The following CSMD1 variants were observed in gnomAD, a reference collection of about 807,000 sequenced individuals.
CSMD1 encodes CUB and sushi domain-containing protein 1.
CSMD1 carries 213 observed loss-of-function variants against 417.5 expected under a neutral mutation model. The ratio of observed to expected loss-of-function variants is 0.51; its 90% CI spans 0.46 to 0.57. The LOEUF (loss-of-function observed/expected upper bound fraction) is 0.57. Among genes scored for constraint, CSMD1 ranks in the 20% least tolerant of loss-of-function variants. The probability of loss-of-function intolerance (pLI) is 0.00; values close to 1 mark genes in which losing one functional copy is unlikely to be tolerated. For synonymous variants in CSMD1, 2,862 were observed against 1,736.8 expected (o/e 1.65, Z -16.11); for missense variants, 6,923 against 4,529.7 (o/e 1.53, Z -15.17).
At chr8:4,655,536 T>A (rs768223856) in intron 1 of CSMD1, among the ~76,000 whole-genome samples, 2 of 152,174 alleles carry the variant, frequency 1.3e-5, no homozygotes, top group Non-Finnish European at 2.9e-5. Flanking sequence ...TAATATTTAC[T>A]TCCACTGACA....
At chr8:4,800,935 CCTGATTGTTATTTTTTAAAAGCAGA>C in intron 1 of CSMD1, among the ~76,000 whole-genome samples, 1 of 152,302 alleles carries the variant, frequency 6.6e-6, no homozygotes, top group East Asian at 1.9e-4. Context: ...AAATAAATCT[CCTGATTGTTATTTTTTAAAAGCAGA>C]CTTCTTTCCT....
chr8:3,809,136 T>C (rs1213504403), intron 5 of CSMD1, among the ~76,000 whole-genome samples: 2 of 152,136 alleles, frequency 1.3e-5, no homozygotes, highest in Non-Finnish European at 1.5e-5. Context: ...TGGGAATATC[T>C]TCCTCTTTCC....
chr8:3,341,309 A>C (rs960205782), intron 23 of CSMD1, among the ~76,000 whole-genome samples: 1 of 152,184 alleles, frequency 6.6e-6, no homozygotes, highest in African/African-American at 2.4e-5. Context: ...GAGGCTTCAG[A>C]ATTATGGAAA....
intron 10 of CSMD1, among the ~76,000 whole-genome samples, chr8:3,559,676 CTG>C (rs1799387142): frequency 6.6e-6 from 1 of 152,052 alleles, no homozygotes; most frequent in Admixed American, 6.6e-5. Flanking sequence ...TCGTATTTGA[CTG>C]TATTATATCA....
At chr8:3,096,679 C>T (rs1815327856) in intron 47 of CSMD1, among the ~76,000 whole-genome samples, 170 bp downstream of exon 47, 1 of 152,130 alleles carries the variant, frequency 6.6e-6, no homozygotes, top group Non-Finnish European at 1.5e-5. Context: ...TTACAGACTG[C>T]TTGATCTCTT....
chr8:3,096,372 T>C (rs922570648), intron 47 of CSMD1, among the ~76,000 whole-genome samples: 5 of 148,686 alleles, frequency 3.4e-5, no homozygotes, highest in Admixed American at 1.3e-4. Flanking sequence ...TTTCCCATGC[T>C]GTTCTCCTGA....
chr8:3,299,279 C>G lies in CSMD1; in HGVS notation c.3950+8416G>C, dbSNP rs543788715. On this transcript the variant is annotated intron_variant, in intron 25 of 69. Transcript: ENST00000635120. ...CCAGCCTGGCCAATATGGGGAAACCCTGTCTCTACTAAAAATATAAAAATC... is the reference window on the plus strand; with the variant it reads ...CCAGCCTGGCCAATATGGGGAAACCGTGTCTCTACTAAAAATATAAAAATC... Among the ~76,000 whole-genome samples, 5 of 152,128 alleles carry G rather than the reference C, an allele frequency of 3.3e-5. No homozygotes were observed. The East Asian group carries it at 7.8e-4, about 24-fold the overall frequency.
At position 4,596,840 on chromosome 8, in the gene CSMD1, G is replaced by T. The variant is rs956736932; in HGVS notation, c.302+40502C>A. Among the ~76,000 whole-genome samples the T allele has an allele frequency of 8.5e-5, 13 of 152,280 alleles. No homozygotes were observed. The South Asian group carries it at 1.2e-3, about 15-fold the overall frequency. On this transcript the variant is annotated intron_variant, in intron 2 of 69. Coordinates refer to ENST00000635120, the MANE Select transcript of CSMD1 (RefSeq NM_033225.6). ...TATTGTGGGAGGGACCCAGGGGGAG[G>T]TAATTGAATCATGGGGGCTGATCTT... is the stretch of plus-strand genomic sequence containing the variant.
At chr8:4,554,981 C>A (rs541885800) in intron 2 of CSMD1, among the ~76,000 whole-genome samples, 2 of 152,246 alleles carry the variant, frequency 1.3e-5, no homozygotes, top group South Asian at 4.1e-4. Flanking sequence ...CCACCAGGGC[C>A]CCTGAGGAAC....
chr8:2,942,574 C>G lies in CSMD1; in HGVS notation c.10433G>C (p.Ser3478Thr), dbSNP rs11984691. 11 of 1,601,030 alleles carry G rather than the reference C, an allele frequency of 6.9e-6. No individual in the cohort carries two copies. The South Asian group carries it at 1.1e-4, about 16-fold the overall frequency. The change falls in exon 69 of 70, where the codon AGT becomes ACT. Residue 3478 changes from serine to threonine, a missense_variant. Ser to Thr is a moderately conservative substitution (Grantham distance 58). Coordinates refer to ENST00000635120, the MANE Select transcript of CSMD1 (RefSeq NM_033225.6). Reference protein sequence around the residue: ...DPLNPDQDSSSHYHGTSSGSV... With the variant: ...DPLNPDQDSSTHYHGTSSGSV... ...GCCACTGCTGGTGCCGTGGTAATGA[C>G]TGGAAGAGTCTTGATCTGGGTTTAA...
At position 2,963,243 on chromosome 8, in the gene CSMD1, C is replaced by T; in HGVS notation, c.9433G>A (p.Gly3145Arg). The change falls in exon 60 of 70, where the codon GGA (glycine) becomes AGA (arginine). Residue 3145 changes from glycine (G) to arginine (R), a missense_variant. By Grantham distance (125) the Gly-to-Arg change is moderately radical (BLOSUM62 -2). Coordinates refer to ENST00000635120, the MANE Select transcript of CSMD1 (RefSeq NM_033225.6). ...LSCEGRGVWKGEIPQCLPVFC... is the reference protein window; with the variant it reads ...LSCEGRGVWKREIPQCLPVFC... Reference sequence around the variant, plus strand: ...TTACGGAGACACTGGGGGATCTCTCCTTTCCACACCCCGCGACCTTCACAG... The same window carrying T: ...TTACGGAGACACTGGGGGATCTCTCTTTTCCACACCCCGCGACCTTCACAG... 1 of 1,613,916 alleles carries T rather than the reference C, an allele frequency of 6.2e-7. No homozygotes were observed. The highest frequency in any genetic ancestry group is 8.5e-7 in the Non-Finnish European group (1 of 1,179,860).
intron 6 of CSMD1, among the ~76,000 whole-genome samples, chr8:3,744,204 G>A (rs192056054): frequency 3.9e-5 from 6 of 152,262 alleles, no homozygotes; most frequent in Non-Finnish European, 8.8e-5. Context: ...TTGAGGACAG[G>A]GATGACGTGT....
intron 5 of CSMD1, among the ~76,000 whole-genome samples, chr8:3,916,125 T>G (rs1431800465): frequency 1.3e-5 from 2 of 151,990 alleles, no homozygotes; most frequent in Non-Finnish European, 2.9e-5. Context: ...AACATGCCAG[T>G]AAATTTCAGT....
intron 5 of CSMD1, among the ~76,000 whole-genome samples, chr8:3,974,047 G>C (rs1386228312): frequency 6.6e-6 from 1 of 152,034 alleles, no homozygotes. Flanking sequence ...AGTTATCATT[G>C]ACTATAGTCT....
At chr8:3,894,863 T>G (rs1203766427) in intron 5 of CSMD1, among the ~76,000 whole-genome samples, 4 of 152,192 alleles carry the variant, frequency 2.6e-5, no homozygotes, top group Non-Finnish European at 5.9e-5. Context: ...AGGAACATTA[T>G]TTTCACACCT....
chr8:4,472,391 A>G (rs1481708364), intron 2 of CSMD1, among the ~76,000 whole-genome samples: 5 of 152,092 alleles, frequency 3.3e-5, no homozygotes. Flanking sequence ...ACAGTGCTTC[A>G]CTGTAGTCTC....
intron 1 of CSMD1, among the ~76,000 whole-genome samples, chr8:4,878,448 T>A (rs1803184850): frequency 6.6e-6 from 1 of 151,874 alleles, no homozygotes; most frequent in African/African-American, 2.4e-5. Flanking sequence ...CTTGTGGGTT[T>A]TTTGGAGGAA....
intron 1 of CSMD1, among the ~76,000 whole-genome samples, chr8:4,777,877 A>G (rs1394250689): frequency 2.0e-5 from 3 of 152,244 alleles, no homozygotes; most frequent in Non-Finnish European, 4.4e-5. Flanking sequence ...TGACACACTG[A>G]AATAAATCCT....
chr8:3,609,811 C>CTTTTTTTTTTTTTTTT (rs71534362), intron 8 of CSMD1, among the ~76,000 whole-genome samples: 1 of 75,262 alleles, frequency 1.3e-5, no homozygotes, highest in Non-Finnish European at 2.4e-5. Context: ...AGTATCTTCC[C>CTTTTTTTTTTTTTTTT]TTTTTTTTTT....
Sources: allele counts gnomAD v4.1 joint callset (sites outside exome capture counted in the v4.1 genomes callset), GRCh38; gene constraint gnomAD v4.1.1; transcripts MANE v1.5; gene names NCBI Gene and HGNC (gene_info 2026-07-23, HGNC 2026-07-21).